MPPED1: variants seen among roughly 807,000 people sequenced by gnomAD.
MPPED1 encodes metallophosphoesterase domain-containing protein 1.
In MPPED1, 16 loss-of-function variants were observed where a neutral mutation model predicts 36.2. That is an observed-to-expected ratio of 0.44 (90% CI 0.30 to 0.67). The LOEUF is 0.67. Ranked by LOEUF, MPPED1 falls within the 30% of genes least tolerant of loss-of-function variation. MPPED1 has a pLI of 0.10. For missense variants in MPPED1, 307 were observed against 453.4 expected (o/e 0.68, Z 2.93); for synonymous variants, 199 against 191.3 (o/e 1.04, Z -0.33).
intron 3 of MPPED1, among the ~76,000 whole-genome samples, chr22:43,469,373 C>T (rs1931284628): frequency 8.3e-6 from 1 of 120,228 alleles, no homozygotes; most frequent in African/African-American, 3.1e-5. Context: ...CCCCAAAACA[C>T]TCCCCTCATT....
intron 2 of MPPED1, among the ~76,000 whole-genome samples, chr22:43,432,954 G>A (rs1293251581): frequency 2.6e-5 from 4 of 151,398 alleles, no homozygotes; most frequent in Admixed American, 2.6e-4. Context: ...AAAGGGAGGA[G>A]AGAGAGAGGG....
intron 3 of MPPED1, among the ~76,000 whole-genome samples, chr22:43,466,939 C>A (rs1931193509): frequency 6.6e-6 from 1 of 152,196 alleles, no homozygotes; most frequent in South Asian, 2.1e-4. Flanking sequence ...TTTTAGAGAA[C>A]TGTGAGTGTA....
intron 5 of MPPED1, among the ~76,000 whole-genome samples, chr22:43,500,456 G>T (rs919532748): frequency 2.7e-5 from 4 of 150,176 alleles, no homozygotes; most frequent in Admixed American, 6.6e-5. Flanking sequence ...TGACGGAGGT[G>T]GTGGAGGTGG....
At chr22:43,488,446 C>G (rs1931982644) in intron 4 of MPPED1, among the ~76,000 whole-genome samples, 1 of 152,224 alleles carries the variant, frequency 6.6e-6, no homozygotes, top group South Asian at 2.1e-4. Context: ...CTGTTTGCGG[C>G]TGAGGAACCT....
At chr22:43,420,219 C>G (rs1355131134) in intron 1 of MPPED1, among the ~76,000 whole-genome samples, 4 of 152,154 alleles carry the variant, frequency 2.6e-5, no homozygotes, top group African/African-American at 9.7e-5. Flanking sequence ...CCTTCTTTCT[C>G]TGACTTCAGA....
intron 1 of MPPED1, among the ~76,000 whole-genome samples, chr22:43,415,225 C>CAAAAAAAAAAAAAAAAAAAAAAGA (rs1929038673): frequency 2.0e-5 from 1 of 49,410 alleles, no homozygotes; most frequent in East Asian, 1.0e-3. Flanking sequence ...ATGTCAAAAG[C>CAAAAAAAAAAAAAAAAAAAAAAGA]AAAAAAAAAA....
At chr22:43,485,867 C>T (rs1028213133) in intron 4 of MPPED1, among the ~76,000 whole-genome samples, 1 of 152,238 alleles carries the variant, frequency 6.6e-6, no homozygotes, top group South Asian at 2.1e-4. Flanking sequence ...AGTTGTGTGC[C>T]CCGGCCAGGT....
intron 3 of MPPED1, among the ~76,000 whole-genome samples, chr22:43,460,106 C>T (rs1479642506): frequency 6.6e-6 from 1 of 152,008 alleles, no homozygotes. Flanking sequence ...ACTCAGGAGG[C>T]TGAGGCAGAA....
At chr22:43,436,745 G>T (rs1339981647) in intron 3 of MPPED1, among the ~76,000 whole-genome samples, 2 of 152,254 alleles carry the variant, frequency 1.3e-5, no homozygotes, top group East Asian at 1.9e-4. Context: ...GGGCAGAGAG[G>T]CTGGAGTCGC....
At chr22:43,427,779 C>A (rs1929528985) in intron 2 of MPPED1, among the ~76,000 whole-genome samples, 1 of 152,046 alleles carries the variant, frequency 6.6e-6, no homozygotes, top group South Asian at 2.1e-4. Flanking sequence ...CGAGGGACCA[C>A]ATGTTCCCCT....
intron 5 of MPPED1, among the ~76,000 whole-genome samples, chr22:43,498,558 GCTC>G (rs1271409720): frequency 6.6e-6 from 1 of 152,000 alleles, no homozygotes. Flanking sequence ...TATCTTGTGG[GCTC>G]CTCACAACAG....
In MPPED1 at chr22:43,416,186, G is replaced by T. The variant is rs560202068; in HGVS notation, c.-79+4028G>T. On this transcript the variant is annotated intron_variant, in intron 1 of 6. Coordinates refer to ENST00000443721, the MANE Select transcript of MPPED1 (RefSeq NM_001044370.2). Reference sequence around the variant, plus strand: ...TGCCCTGGGTTCCCTGCACAATGCAGTGGTTGGGGGCTGGTGAGAATGGAG... The same window carrying T: ...TGCCCTGGGTTCCCTGCACAATGCATTGGTTGGGGGCTGGTGAGAATGGAG... Among the ~76,000 whole-genome samples the T allele has an allele frequency of 7.9e-5, 12 of 152,354 alleles. No individual in the cohort carries two copies. In the Middle Eastern group the frequency reaches 0.01, roughly 130 times the overall value.
intron 1 of MPPED1, chr22:43,418,725 G>A (rs1256508493): frequency 1.3e-5 from 2 of 157,700 alleles, no homozygotes; most frequent in African/African-American, 4.8e-5. Context: ...GCAGCAGTGG[G>A]TGCGTTGGGG....
intron 4 of MPPED1, among the ~76,000 whole-genome samples, chr22:43,493,871 T>C (rs1932176652): frequency 6.6e-6 from 1 of 152,100 alleles, no homozygotes; most frequent in African/African-American, 2.4e-5. Flanking sequence ...GGGATGGCAA[T>C]TGCATTACTA....
Position 43,506,359 on chromosome 22 carries a change from G to T in MPPED1, c.*743G>T, listed in dbSNP as rs1407354125. On this transcript the variant is annotated 3_prime_UTR_variant, in exon 7 of 7. Transcript: ENST00000443721. ...GTGAGAGCGTTCCCAGTCATGGGGG[G>T]ATGACCCTTGGTCCCACGGGGAACA... The T allele has an allele frequency of 3.3e-5, 5 of 152,530 alleles. No homozygotes were observed. Among genetic ancestry groups the T allele is most frequent in the Non-Finnish European group, 5.9e-5 (4 of 68,130 alleles). 9.4% of individuals were successfully genotyped at this position (152,530 alleles called of 1,614,324 possible). A position where few individuals can be genotyped will look rare whatever the true frequency, so the allele number is the denominator to read the frequency against.
chr22:43,475,829 G>A (rs1218641734), intron 4 of MPPED1, among the ~76,000 whole-genome samples: 1 of 150,116 alleles, frequency 6.7e-6, no homozygotes, highest in East Asian at 2.0e-4. Context: ...ATGATATTGA[G>A]GGTAGTGATG....
At chr22:43,435,320 C>A (rs1569068659) in intron 3 of MPPED1, 105 bp downstream of exon 3, 3 of 1,310,768 alleles carry the variant, frequency 2.3e-6, no homozygotes, top group Non-Finnish European at 3.1e-6. Context: ...CTGCCCGGGC[C>A]CCCTCCTTGG....
At chr22:43,483,523 G>C (rs564298347) in intron 4 of MPPED1, among the ~76,000 whole-genome samples, 7 of 152,394 alleles carry the variant, frequency 4.6e-5, no homozygotes, top group Admixed American at 2.0e-4. Flanking sequence ...CTGTCTCTGC[G>C]TGAGACACAG....
At chr22:43,429,444 T>G (rs940136666) in intron 2 of MPPED1, among the ~76,000 whole-genome samples, 1 of 152,222 alleles carries the variant, frequency 6.6e-6, no homozygotes, top group African/African-American at 2.4e-5. Context: ...AACATTCCAG[T>G]CTTCCTCCTG....
Sources: gnomAD v4.1 joint callset for allele counts (sites outside exome capture counted in the v4.1 genomes callset) on GRCh38, gnomAD v4.1.1 for gene constraint, MANE v1.5 for transcripts, NCBI Gene and HGNC (gene_info 2026-07-23, HGNC 2026-07-21) for gene names.